Variants in TPRKB observed in about 807,000 individuals in gnomAD.
TPRKB encodes EKC/KEOPS complex subunit TPRKB.
TPRKB carries 11 observed loss-of-function variants against 17.8 expected under a neutral mutation model. That is an observed-to-expected ratio of 0.62 (90% CI 0.39 to 1.02). The LOEUF is 1.02. Ranked by LOEUF, TPRKB falls within the 50% of genes least tolerant of loss-of-function variation. The pLI is 0.00. For synonymous variants in TPRKB, 71 were observed against 69.5 expected, an observed-to-expected ratio of 1.02 and a Z score of -0.11; for missense variants, 228 against 198.0, an observed-to-expected ratio of 1.15 and a Z score of -0.91.
intron 1 of TPRKB, among the ~76,000 whole-genome samples, chr2:73,736,416 A>G (rs980230766): frequency 6.6e-6 from 1 of 152,222 alleles, no homozygotes; most frequent in Non-Finnish European, 1.5e-5. Context: ...GTAAGCACAC[A>G]AAACATGAGT....
In TPRKB at chr2:73,732,580, G is replaced by A. The variant is rs546889185; in HGVS notation, c.142-295C>T. 7 of 283,746 alleles carry A rather than the reference G, an allele frequency of 2.5e-5. No homozygotes were observed. In the East Asian group the frequency reaches 3.7e-4, roughly 15 times the overall value. The allele number at this position is 283,746 out of a possible 1,614,324, so 17.6% of individuals were successfully genotyped here. The stretch of plus-strand genomic sequence containing the variant: ...AAAAATTAGTCAGGCGTGGTGGCAC[G>A]CACCTGTAATCCCAGCAACTCAGGA... On this transcript the variant is annotated intron_variant, in intron 2 of 4. Transcript: ENST00000272424.
intron 1 of TPRKB, among the ~76,000 whole-genome samples, chr2:73,736,768 T>C (rs1335133698): frequency 1.3e-5 from 2 of 152,206 alleles, no homozygotes; most frequent in Non-Finnish European, 2.9e-5. Flanking sequence ...TTTCAAAATG[T>C]ACATCAGATC....
chr2:73,731,707 T>G (rs889231270), intron 3 of TPRKB, among the ~76,000 whole-genome samples: 3 of 152,204 alleles, frequency 2.0e-5, no homozygotes, highest in Middle Eastern at 3.2e-3. Flanking sequence ...AAACTCTACC[T>G]ATGTACTGGG....
intron 2 of TPRKB, among the ~76,000 whole-genome samples, chr2:73,733,459 A>G (rs762939042): frequency 1.3e-5 from 2 of 152,046 alleles, no homozygotes. Flanking sequence ...CGGTTTCACT[A>G]TGTAGGCCAG....
In TPRKB at chr2:73,730,749, A is replaced by AAATG. The variant is rs1208894248; in HGVS notation, c.265-17_265-14dup. 2 of 1,490,780 alleles carry AAATG rather than the reference A, an allele frequency of 1.3e-6. No individual in the cohort carries two copies. The highest frequency in any genetic ancestry group is 2.5e-5 in the East Asian group (1 of 39,316). 92.3% of individuals were successfully genotyped at this position (1,490,780 alleles called of 1,614,324 possible). On this transcript the variant is annotated splice_polypyrimidine_tract_variant and intron_variant, in intron 3 of 4. Coordinates refer to ENST00000272424, the MANE Select transcript of TPRKB (RefSeq NM_016058.5). ...AAGCCTCTGAAATCTAAGAGAAAAA[A>AAATG]AATGAAAAAAAAAACACAAGATCAT...
intron 4 of TPRKB, chr2:73,730,232 T>C (rs1257631253): frequency 1.8e-5 from 10 of 556,028 alleles, no homozygotes; most frequent in Non-Finnish European, 2.5e-5. Context: ...TGGGAGTAAC[T>C]CTCAAGAACA....
intron 2 of TPRKB, 49 bp from the exon 3 acceptor site, chr2:73,732,334 G>T (rs1228533977): frequency 6.3e-7 from 1 of 1,582,556 alleles, no homozygotes; most frequent in African/African-American, 1.4e-5. Flanking sequence ...AATCTGCAGT[G>T]CCTGAAAACA....
chr2:73,735,083 C>T (rs1558522754), intron 1 of TPRKB, among the ~76,000 whole-genome samples: 1 of 152,070 alleles, frequency 6.6e-6, no homozygotes, highest in Non-Finnish European at 1.5e-5. Flanking sequence ...AATCTCAGCA[C>T]TCTGGGAGGC....
intron 2 of TPRKB, among the ~76,000 whole-genome samples, chr2:73,733,841 G>A (rs1370513794): frequency 4.4e-5 from 6 of 137,394 alleles, no homozygotes; most frequent in South Asian, 2.2e-4. Flanking sequence ...TTTTTGAGGC[G>A]GATTCTTGGT....
chr2:73,732,036 G>GCTCT (rs1269827629), intron 3 of TPRKB, 127 bp downstream of exon 3: 22 of 1,055,130 alleles, frequency 2.1e-5, no homozygotes, highest in Non-Finnish European at 2.5e-5. Flanking sequence ...TCTGTCCAGA[G>GCTCT]CTCTCTTCAC....
At chr2:73,730,249 C>G in intron 4 of TPRKB, 1 of 465,684 alleles carries the variant, frequency 2.1e-6, no homozygotes, top group Non-Finnish European at 3.5e-6. Flanking sequence ...AACATAAAAA[C>G]CAAATTTCTA....
chr2:73,730,095 A>G, intron 4 of TPRKB, 66 bp from the exon 5 acceptor site: 1 of 1,458,458 alleles, frequency 6.9e-7, no homozygotes. Context: ...GTCATTATAC[A>G]AACATGTGTA....
chr2:73,730,653 T>C lies in TPRKB; in HGVS notation c.348A>G (p.Gln116=), dbSNP rs773317766. 1.9e-6 allele frequency: 3 copies of C among 1,593,108 alleles called. No homozygotes were observed. In the African/African-American group the frequency reaches 4.1e-5, roughly 22 times the overall value. ...GAGATATTAGGTATTCTTGATTTAT[T>C]TGTTTTTCTCCCTCTTCAATGTAAA... ...LIVYIEEGEK[Q]INQEYLISQV... is the part of the protein sequence containing the mutation. The change falls in exon 4 of 5, where the codon CAA becomes CAG. Residue 116 remains glutamine (Q), a synonymous_variant. Coordinates refer to ENST00000272424, the MANE Select transcript of TPRKB (RefSeq NM_016058.5).
chr2:73,734,658 A>T, intron 1 of TPRKB, 67 bp from the exon 2 acceptor site: 1 of 1,355,920 alleles, frequency 7.4e-7, no homozygotes, highest in Non-Finnish European at 9.9e-7. Context: ...ATTTCTTAAT[A>T]AATATTCAAA....
intron 4 of TPRKB, 50 bp from the exon 5 acceptor site, chr2:73,730,079 CTAAT>C (rs1488516640): frequency 3.3e-6 from 5 of 1,492,560 alleles, no homozygotes; most frequent in Non-Finnish European, 4.5e-6. Context: ...TCATTCACTA[CTAAT>C]TGTCATTATA....
At chr2:73,730,050 TTA>T in intron 4 of TPRKB, 21 bp from the exon 5 acceptor site, 2 of 1,539,446 alleles carry the variant, frequency 1.3e-6, no homozygotes, top group Non-Finnish European at 1.8e-6. Flanking sequence ...GAAAGACAAA[TTA>T]TGACTTGCTG....
intron 2 of TPRKB, among the ~76,000 whole-genome samples, chr2:73,733,875 T>G (rs1671752341): frequency 1.4e-5 from 2 of 147,170 alleles, no homozygotes; most frequent in African/African-American, 5.2e-5. Context: ...TGGAGTGCAG[T>G]GGCACAATCT....
Position 73,732,260 on chromosome 2 carries a change from A to G in TPRKB, c.167T>C (p.Val56Ala), listed in dbSNP as rs754393608. 13 of 1,613,926 alleles carry G rather than the reference A, an allele frequency of 8.1e-6. No individual in the cohort carries two copies. The highest frequency in any genetic ancestry group is 2.7e-5 in the African/African-American group (2 of 74,938). ...GAGGTGAACTGCTTTGTTTGCTGCC[A>G]CAAGTATCTGAAATGGATCAACAAT... is the stretch of plus-strand genomic sequence containing the variant. ...TVIVDPFQIL[V>A]AANKAVHLYK... Residue 56 changes from valine to alanine, a missense_variant, in exon 3 of 5, where the codon GTG becomes GCG. By Grantham distance (64) the Val-to-Ala change is moderately conservative. Coordinates refer to ENST00000272424, the MANE Select transcript of TPRKB (RefSeq NM_016058.5).
In TPRKB at chr2:73,734,618, G is replaced by T. The variant is rs750801382; in HGVS notation, c.-22-27C>A. 5.9e-6 allele frequency: 9 copies of T among 1,516,292 alleles called. No individual in the cohort carries two copies. In the South Asian group the frequency reaches 6.4e-5, roughly 11 times the overall value. The allele number at this position is 1,516,292 out of a possible 1,614,324, so 93.9% of individuals were successfully genotyped here. The stretch of plus-strand genomic sequence containing the variant: ...TGCACACAAAATGAAAAGACCAAAA[G>T]ATTTCATTTAAAAGTTAACATCAGA... On this transcript the variant is annotated intron_variant, in intron 1 of 4. Transcript: ENST00000272424.
Sources: gnomAD v4.1 joint callset for allele counts (sites outside exome capture counted in the v4.1 genomes callset) on GRCh38, gnomAD v4.1.1 for gene constraint, MANE v1.5 for transcripts, NCBI Gene and HGNC (gene_info 2026-07-23, HGNC 2026-07-21) for gene names.